Variants in PALM2AKAP2 observed in about 807,000 individuals in gnomAD.
PALM2AKAP2 encodes PALM2-AKAP2 fusion protein.
In PALM2AKAP2, 37 loss-of-function variants were observed where a neutral mutation model predicts 71.5. The observed-to-expected ratio is 0.52, with a 90% CI of 0.40 to 0.68. The LOEUF is 0.68. PALM2AKAP2 is among the 30% of genes least tolerant of loss of function. The pLI, the probability that PALM2AKAP2 is intolerant of heterozygous loss-of-function variation, is 0.00. For missense variants in PALM2AKAP2, 1,224 were observed against 1,191.8 expected, an observed-to-expected ratio of 1.03 and a Z score of -0.40; for synonymous variants, 468 against 478.8, an observed-to-expected ratio of 0.98 and a Z score of 0.29.
Position 110,057,377 on chromosome 9 carries a change from T to TG in PALM2AKAP2, c.156+8522_156+8523insG, listed in dbSNP as rs1049888468. Among the ~76,000 whole-genome samples, 18 of 131,862 alleles carry TG rather than the reference T, an allele frequency of 1.4e-4. 1 individual carries two copies. The highest frequency in any genetic ancestry group is 5.4e-4 in the African/African-American group (18 of 33,344). 86.5% of individuals were successfully genotyped at this position (131,862 alleles called of 152,430 possible). On this transcript the variant is annotated intron_variant, in intron 1 of 3. Coordinates refer to ENST00000374525, the Ensembl canonical transcript of PALM2AKAP2. ...CCAGCTCCTTCTCTGTTTTTTTTTTTTTTGTTTTTTTGTTTTTTTTTTTGC... is the reference window on the plus strand; with the variant it reads ...CCAGCTCCTTCTCTGTTTTTTTTTTTGTTTGTTTTTTTGTTTTTTTTTTTGC...
chr9:110,024,405 A>AT (rs59855075), intron 7 of PALM2AKAP2, among the ~76,000 whole-genome samples: 6,220 of 147,466 alleles, frequency 0.042, 255 homozygotes, highest in African/African-American at 0.1. Context: ...GATGATGATG[A>AT]TTTTTTTTTT....
intron 6 of PALM2AKAP2, among the ~76,000 whole-genome samples, chr9:109,981,526 T>G (rs1461309022): frequency 6.6e-6 from 1 of 152,230 alleles, no homozygotes. Context: ...GATATTCTGA[T>G]CAGGCCAATG....
intron 1 of PALM2AKAP2, among the ~76,000 whole-genome samples, chr9:109,837,324 A>C (rs1252688757): frequency 1.3e-5 from 2 of 152,218 alleles, no homozygotes; most frequent in East Asian, 3.9e-4. Context: ...AGAGAAGCAA[A>C]TGATGAGAGA....
intron 1 of PALM2AKAP2, among the ~76,000 whole-genome samples, chr9:110,095,599 G>A (rs1834817390): frequency 6.6e-6 from 1 of 152,108 alleles, no homozygotes; most frequent in Admixed American, 6.5e-5. Flanking sequence ...CTGCTGTCAA[G>A]CATAAGAATT....
intron 1 of PALM2AKAP2, among the ~76,000 whole-genome samples, chr9:109,682,296 T>C (rs553802788): frequency 6.6e-6 from 1 of 152,298 alleles, no homozygotes; most frequent in East Asian, 1.9e-4. Context: ...TCAGAATATA[T>C]TCTGTTTTGG....
In PALM2AKAP2 at chr9:109,840,096, G is replaced by A. The variant is rs145573521; in HGVS notation, c.46-27395G>A. On this transcript the variant is annotated intron_variant, in intron 1 of 9. Transcript: ENST00000302798. ...AAAAGAACAAAGGTGGAGGCATCACGCTACCTGACTTCAAACTATACTACA... is the reference window on the plus strand; with the variant it reads ...AAAAGAACAAAGGTGGAGGCATCACACTACCTGACTTCAAACTATACTACA... Among the ~76,000 whole-genome samples the A allele has an allele frequency of 4.3e-3, 648 of 152,230 alleles. 1 individual carries two copies. Among genetic ancestry groups the A allele is most frequent in the African/African-American group, 0.014 (602 of 41,526 alleles).
intron 1 of PALM2AKAP2, among the ~76,000 whole-genome samples, chr9:109,663,678 A>G (rs866427717): frequency 6.6e-6 from 1 of 152,158 alleles, no homozygotes; most frequent in African/African-American, 2.4e-5. Flanking sequence ...TTTGGGGTGG[A>G]GAGTTCTGTA....
intron 1 of PALM2AKAP2, among the ~76,000 whole-genome samples, chr9:110,128,700 C>T (rs927421818): frequency 1.3e-5 from 2 of 152,192 alleles, no homozygotes; most frequent in Non-Finnish European, 2.9e-5. Flanking sequence ...GGCACACTGT[C>T]GAGCTTTAAC....
At chr9:110,098,931 T>C (rs1253611074) in intron 1 of PALM2AKAP2, among the ~76,000 whole-genome samples, 3 of 152,232 alleles carry the variant, frequency 2.0e-5, no homozygotes, top group Admixed American at 6.5e-5. Flanking sequence ...ATCCTTCCTC[T>C]TTCCCCCAGC....
At chr9:109,890,909 C>A (rs577469722) in intron 3 of PALM2AKAP2, among the ~76,000 whole-genome samples, 1 of 152,292 alleles carries the variant, frequency 6.6e-6, no homozygotes, top group East Asian at 1.9e-4. Context: ...ATGGAATAAA[C>A]CACTCCAGGG....
chr9:110,008,513 G>A (rs564971831), intron 6 of PALM2AKAP2, among the ~76,000 whole-genome samples: 1 of 152,130 alleles, frequency 6.6e-6, no homozygotes, highest in African/African-American at 2.4e-5. Context: ...TTAAATGGCA[G>A]GATTGATTTT....
At chr9:109,906,823 A>G (rs1184512595) in intron 3 of PALM2AKAP2, among the ~76,000 whole-genome samples, 5 of 152,238 alleles carry the variant, frequency 3.3e-5, no homozygotes, top group Non-Finnish European at 1.5e-5. Context: ...AGGCAGACAG[A>G]CAAACAAGAA....
chr9:109,856,516 G>A (rs1027223590), intron 1 of PALM2AKAP2, among the ~76,000 whole-genome samples: 1 of 152,224 alleles, frequency 6.6e-6, no homozygotes, highest in Admixed American at 6.5e-5. Flanking sequence ...CCTGTAGGAT[G>A]CATAAAGGAC....
At chr9:110,073,169 G>T (rs992142717) in intron 1 of PALM2AKAP2, among the ~76,000 whole-genome samples, 1 of 152,168 alleles carries the variant, frequency 6.6e-6, no homozygotes, top group South Asian at 2.1e-4. Context: ...TGAGTCTTTA[G>T]TGCGAAGCCC....
chr9:109,643,016 CA>C lies in PALM2AKAP2; in HGVS notation c.5+2157del, dbSNP rs548959823. ...TGGGTGACAGAGCAAAACCTCATCT[CA>C]AAAAAAGAAAGAAAGGAAGGAAGGA... On this transcript the variant is annotated intron_variant, in intron 1 of 6. Transcript: ENST00000374531. Among the ~76,000 whole-genome samples, 537 of 134,770 alleles carry C rather than the reference CA, an allele frequency of 4.0e-3. 2 individuals carry two copies. Among genetic ancestry groups the C allele is most frequent in the African/African-American group, 0.014 (515 of 36,080 alleles). 88.4% of individuals were successfully genotyped at this position (134,770 alleles called of 152,430 possible). A position where few individuals can be genotyped will look rare whatever the true frequency, so the allele number is the denominator to read the frequency against.
intron 6 of PALM2AKAP2, among the ~76,000 whole-genome samples, chr9:110,010,765 C>T (rs1476386392): frequency 6.7e-6 from 1 of 148,186 alleles, no homozygotes; most frequent in African/African-American, 2.5e-5. Flanking sequence ...TTTGGGAGGC[C>T]GAGGCAGGTG....
chr9:109,698,879 A>C (rs1828012667), intron 1 of PALM2AKAP2, among the ~76,000 whole-genome samples: 2 of 152,188 alleles, frequency 1.3e-5, no homozygotes, highest in Non-Finnish European at 2.9e-5. Context: ...TACTTTTGAG[A>C]GTCAGAGAGT....
At chr9:109,950,123 T>A (rs1290417271) in intron 6 of PALM2AKAP2, among the ~76,000 whole-genome samples, 3 of 151,922 alleles carry the variant, frequency 2.0e-5, no homozygotes, top group Non-Finnish European at 1.5e-5. Flanking sequence ...TGTTGTTTAG[T>A]CTCTACTAAA....
intron 1 of PALM2AKAP2, among the ~76,000 whole-genome samples, chr9:109,798,444 C>T (rs996399006): frequency 1.3e-5 from 2 of 152,156 alleles, no homozygotes; most frequent in Non-Finnish European, 2.9e-5. Context: ...ACAATGGGTG[C>T]CATATGCCAT....
Sources: allele counts gnomAD v4.1 joint callset (sites outside exome capture counted in the v4.1 genomes callset), GRCh38; gene constraint gnomAD v4.1.1; transcripts MANE v1.5; gene names NCBI Gene and HGNC (gene_info 2026-07-23, HGNC 2026-07-21).